Variants in INSL6 observed in about 807,000 individuals in gnomAD.
INSL6 encodes insulin like 6.
Under a neutral mutation model 9.4 loss-of-function variants are expected in INSL6, and 16 were observed. That is an observed-to-expected ratio of 1.70 (90% confidence interval 1.15 to 2.59). The LOEUF is 2.59. Ranked by LOEUF, INSL6 falls within the 30% of genes most tolerant of loss-of-function variation. INSL6 has a pLI of 0.00. For synonymous variants in INSL6, 154 were observed against 96.9 expected (o/e 1.59, Z -3.46); for missense variants, 391 against 257.3 (o/e 1.52, Z -3.56).
chr9:5,123,822 T>TC (rs1417983277), downstream of INSL6, among the ~76,000 whole-genome samples: 2 of 151,610 alleles, frequency 1.3e-5, no homozygotes, highest in Non-Finnish European at 3.0e-5. Flanking sequence ...TGTTATTTTT[T>TC]CTCTCTCTCA....
intron 2 of INSL6, among the ~76,000 whole-genome samples, chr9:5,156,034 A>T (rs1012531153): frequency 6.6e-6 from 1 of 152,208 alleles, no homozygotes; most frequent in Non-Finnish European, 1.5e-5. Context: ...ATTAGCATTT[A>T]TACAGATCCT....
the INSL6 span, among the ~76,000 whole-genome samples, chr9:5,117,152 T>G: frequency 1.3e-5 from 2 of 152,206 alleles, no homozygotes; most frequent in African/African-American, 4.8e-5. Flanking sequence ...ACCACACACC[T>G]GAACCTGCCA....
At chr9:5,129,731 T>A (rs982224849) in intron 3 of INSL6, among the ~76,000 whole-genome samples, 1 of 152,168 alleles carries the variant, frequency 6.6e-6, no homozygotes, top group Non-Finnish European at 1.5e-5. Context: ...GCTAAGCGTT[T>A]CATAATTCTC....
chr9:5,111,139 G>A, the INSL6 span: 4 of 991,976 alleles, frequency 4.0e-6, no homozygotes, highest in South Asian at 2.7e-5. Context: ...GACGTTCAGC[G>A]AAGGCGCTCA....
At chr9:5,042,094 A>G in the INSL6 span, among the ~76,000 whole-genome samples, 1 of 147,382 alleles carries the variant, frequency 6.8e-6, no homozygotes, top group African/African-American at 2.5e-5. Flanking sequence ...ACGAGGGGTC[A>G]CTTCCTTCAC....
chr9:5,082,045 C>T, the INSL6 span, among the ~76,000 whole-genome samples: 1 of 152,148 alleles, frequency 6.6e-6, no homozygotes. Context: ...ATGAAGGGGG[C>T]CAGCCCCTCC....
In INSL6 at chr9:5,168,141, G is replaced by C. The variant is rs143862295; in HGVS notation, c.290-3876C>G. Among the ~76,000 whole-genome samples, 167 of 152,248 alleles carry C rather than the reference G, an allele frequency of 1.1e-3. 2 individuals are homozygous for C. The East Asian group carries it at 0.028, about 25-fold the overall frequency. ...GAGAAATAATCAGTGCAAAAACGTT[G>C]GGAACTCAAAAAGCAAGAGTGCCTC... On this transcript the variant is annotated intron_variant, in intron 1 of 1. Transcript: ENST00000381641.
At chr9:5,043,728 A>C in the INSL6 span, among the ~76,000 whole-genome samples, 1 of 152,246 alleles carries the variant, frequency 6.6e-6, no homozygotes, top group Non-Finnish European at 1.5e-5. Flanking sequence ...GATACAGAAA[A>C]AGTGGTATAT....
At chr9:5,158,252 G>A (rs1239895570) in intron 2 of INSL6, among the ~76,000 whole-genome samples, 1 of 152,274 alleles carries the variant, frequency 6.6e-6, no homozygotes, top group South Asian at 2.1e-4. Flanking sequence ...TTGAAAGGGT[G>A]GGGGGAGTGG....
chr9:5,044,872 A>T, the INSL6 span, among the ~76,000 whole-genome samples: 1,153 of 152,280 alleles, frequency 7.6e-3, 2 homozygotes, highest in Non-Finnish European at 0.013. Context: ...TATGGTTTTT[A>T]AAAAAATTTT....
the INSL6 span, among the ~76,000 whole-genome samples, chr9:5,052,762 G>C: frequency 6.6e-6 from 1 of 151,852 alleles, no homozygotes; most frequent in Admixed American, 6.6e-5. Flanking sequence ...CATTTTTTTT[G>C]TCTGGCTTCT....
chr9:5,177,738 G>T (rs1825343551), intron 1 of INSL6, among the ~76,000 whole-genome samples: 1 of 152,222 alleles, frequency 6.6e-6, no homozygotes, highest in Admixed American at 6.5e-5. Context: ...AGGAGGGGCA[G>T]CCGCCATCTC....
the INSL6 span, chr9:5,090,580 A>G: frequency 1.9e-6 from 3 of 1,559,780 alleles, no homozygotes; most frequent in Middle Eastern, 3.4e-4. Flanking sequence ...GGTAACTAAT[A>G]TCCTGATTAT....
At chr9:5,137,724 C>A (rs1824412154) in intron 2 of INSL6, among the ~76,000 whole-genome samples, 1 of 151,984 alleles carries the variant, frequency 6.6e-6, no homozygotes, top group Non-Finnish European at 1.5e-5. Context: ...CAACAAAAGC[C>A]AAAATTGACA....
intron 2 of INSL6, among the ~76,000 whole-genome samples, chr9:5,143,278 T>A (rs1474204412): frequency 6.6e-6 from 1 of 151,986 alleles, no homozygotes; most frequent in Admixed American, 6.6e-5. Context: ...TACCAGCTCT[T>A]CTTTATACAT....
chr9:5,026,212 C>T, the INSL6 span, among the ~76,000 whole-genome samples: 1 of 152,078 alleles, frequency 6.6e-6, no homozygotes, highest in Non-Finnish European at 1.5e-5. Flanking sequence ...ACAATTTTTC[C>T]TCTTGAGTTT....
chr9:5,020,324 C>T, the INSL6 span, among the ~76,000 whole-genome samples: 7 of 152,262 alleles, frequency 4.6e-5, no homozygotes, highest in Admixed American at 6.5e-5. Context: ...CAAACTGGTG[C>T]GATCCCAAGG....
intron 2 of INSL6, among the ~76,000 whole-genome samples, chr9:5,140,753 T>C (rs981123697): frequency 6.6e-6 from 1 of 152,068 alleles, no homozygotes; most frequent in Non-Finnish European, 1.5e-5. Flanking sequence ...AGGGTACATA[T>C]GCAGGTTTGT....
intron 1 of INSL6, among the ~76,000 whole-genome samples, chr9:5,168,575 G>C (rs957227167): frequency 8.6e-5 from 13 of 151,998 alleles, no homozygotes; most frequent in Admixed American, 7.2e-4. Context: ...AGAACTATGG[G>C]ATTATCTTAC....
Sources: allele counts gnomAD v4.1 joint callset (sites outside exome capture counted in the v4.1 genomes callset), GRCh38; gene constraint gnomAD v4.1.1; transcripts MANE v1.5; gene names NCBI Gene and HGNC (gene_info 2026-07-23, HGNC 2026-07-21).